The following SLC9A6 variants were observed in gnomAD, a reference collection of about 807,000 sequenced individuals.
SLC9A6 encodes solute carrier family 9 member A6, also known as sodium/hydrogen exchanger 6.
SLC9A6 carries 6 observed loss-of-function variants against 45.3 expected under a neutral mutation model. The ratio of observed to expected loss-of-function variants is 0.13; its 90% CI spans 0.07 to 0.26. The LOEUF is 0.26. SLC9A6 is among the 10% of genes least tolerant of loss of function. SLC9A6 has a pLI of 1.00. For synonymous variants in SLC9A6, 191 were observed against 187.7 expected, an observed-to-expected ratio of 1.02 and a Z score of -0.14; for missense variants, 278 against 503.7, an observed-to-expected ratio of 0.55 and a Z score of 4.29.
chrX:136,002,923 A>T (rs1556617542), intron 7 of SLC9A6, among the ~76,000 whole-genome samples: 1 of 111,106 alleles, frequency 9.0e-6, no homozygotes, highest in Non-Finnish European at 1.9e-5. Flanking sequence ...AAAAAGTTAC[A>T]CACAGAAAAT....
chrX:135,997,578 TTG>T (rs2089523824), intron 3 of SLC9A6, among the ~76,000 whole-genome samples: 2 of 106,805 alleles, frequency 1.9e-5, no homozygotes, highest in Non-Finnish European at 3.9e-5. Flanking sequence ...CGGCTAATTT[TTG>T]TATTTTTAGT....
chrX:136,041,849 T>A (rs1459388112), intron 17 of SLC9A6, among the ~76,000 whole-genome samples: 1 of 112,010 alleles, frequency 8.9e-6, no homozygotes, highest in Non-Finnish European at 1.9e-5. Flanking sequence ...TTCTAGGCTG[T>A]GAGGGAGAAT....
intron 11 of SLC9A6, among the ~76,000 whole-genome samples, chrX:136,021,841 A>G (rs1210304121): frequency 1.8e-5 from 2 of 112,009 alleles, no homozygotes; most frequent in African/African-American, 6.5e-5. Flanking sequence ...TCTGTTTTTA[A>G]TCTTAGATTT....
intron 7 of SLC9A6, among the ~76,000 whole-genome samples, chrX:136,009,530 C>G (rs1417288695): frequency 1.8e-5 from 2 of 111,655 alleles, no homozygotes; most frequent in African/African-American, 3.3e-5. Flanking sequence ...TCCTTCTTTT[C>G]TTTGACGTGA....
chrX:136,013,503 ACT>A, intron 10 of SLC9A6, 66 bp downstream of exon 10: 1 of 774,841 alleles, frequency 1.3e-6, no homozygotes, highest in Non-Finnish European at 1.9e-6. Flanking sequence ...AGTCTTTTTT[ACT>A]AAAAAAAAAA....
chrX:136,013,466 G>T (rs782205135), intron 10 of SLC9A6, 29 bp downstream of exon 10: 1 of 1,015,844 alleles, frequency 9.8e-7, no homozygotes, highest in South Asian at 1.9e-5. Context: ...TTTGTGAATA[G>T]GCTTTTCCTT....
At chrX:136,006,917 A>G (rs1398559354) in intron 7 of SLC9A6, among the ~76,000 whole-genome samples, 2 of 110,258 alleles carry the variant, frequency 1.8e-5, no homozygotes, top group Admixed American at 1.9e-4. Context: ...CCCAGGCTGG[A>G]GTACAATGGC....
At chrX:136,014,693 A>G (rs1356278756) in intron 10 of SLC9A6, among the ~76,000 whole-genome samples, 1 of 112,852 alleles carries the variant, frequency 8.9e-6, no homozygotes, top group Non-Finnish European at 1.9e-5. Context: ...TGAACCCGGA[A>G]GGCGGAGGTT....
At chrX:136,020,611 T>C (rs1164579495) in intron 11 of SLC9A6, among the ~76,000 whole-genome samples, 2 of 112,222 alleles carry the variant, frequency 1.8e-5, no homozygotes, top group African/African-American at 6.5e-5. Flanking sequence ...CCTCAAGTGA[T>C]CTGCGCCTCT....
intron 2 of SLC9A6, among the ~76,000 whole-genome samples, chrX:135,988,752 C>T (rs919890408): frequency 2.2e-4 from 24 of 108,759 alleles, no homozygotes; most frequent in African/African-American, 7.4e-4. Flanking sequence ...GTGTGCATCA[C>T]CACACCTGGC....
intron 4 of SLC9A6, 68 bp downstream of exon 4, chrX:135,998,253 C>A: frequency 2.8e-6 from 2 of 702,571 alleles, no homozygotes; most frequent in Non-Finnish European, 4.6e-6. Flanking sequence ...ATATTTGACA[C>A]TTCAGAAATG....
intron 7 of SLC9A6, among the ~76,000 whole-genome samples, chrX:136,006,553 G>A (rs182251483): frequency 6.0e-4 from 64 of 106,430 alleles, no homozygotes; most frequent in African/African-American, 2.1e-3. Context: ...ATCCAGTGAG[G>A]GTGAAGTGAA....
chrX:135,973,978 G>A (rs1481021544), upstream of SLC9A6: 24 of 994,812 alleles, frequency 2.4e-5, no homozygotes, highest in East Asian at 1.0e-3. Context: ...GAGCTACGGG[G>A]AAGCGAAGAG....
chrX:136,001,201 C>G (rs782771581), intron 6 of SLC9A6, among the ~76,000 whole-genome samples: 7 of 108,212 alleles, frequency 6.5e-5, no homozygotes, highest in African/African-American at 1.0e-4. Flanking sequence ...GCCAGGTGTT[C>G]TGGCGGGCGC....
chrX:135,996,212 A>G (rs1442661482), intron 3 of SLC9A6, among the ~76,000 whole-genome samples: 3 of 107,179 alleles, frequency 2.8e-5, no homozygotes, highest in African/African-American at 1.0e-4. Context: ...TTGTATTTTT[A>G]GTAGAGTTGG....
rs190996758 is a variant in SLC9A6 at position 136,039,905 on chromosome X, A to T, written c.1662-171A>T. The T allele has an allele frequency of 7.0e-4, 337 of 483,231 alleles. 1 individual carries two copies. Among genetic ancestry groups the T allele is most frequent in the Non-Finnish European group, 7.8e-5 (21 of 268,064 alleles). 39.8% of individuals were successfully genotyped at this position (483,231 alleles called of 1,213,427 possible). ...ATCTGTGAAGTGGAGATGATAAAAT[A>T]CCCCTTTGCTGTTTCACTGCCATCA... On this transcript the variant is annotated intron_variant, in intron 16 of 17. Coordinates refer to ENST00000630721, the MANE Select transcript of SLC9A6 (RefSeq NM_001379110.1).
At chrX:135,997,963 C>A in intron 3 of SLC9A6, 145 bp from the exon 4 acceptor site, 7 of 431,698 alleles carry the variant, frequency 1.6e-5, no homozygotes, top group Non-Finnish European at 2.1e-5. Context: ...TAGAAACTAT[C>A]CTATATGAAA....
intron 1 of SLC9A6, among the ~76,000 whole-genome samples, chrX:135,976,157 T>C (rs2089261499): frequency 1.8e-5 from 2 of 111,126 alleles, no homozygotes; most frequent in African/African-American, 6.6e-5. Context: ...TACACAATAC[T>C]TGATGGATGT....
Position 136,044,790 on chromosome X carries a change from C to A in SLC9A6, c.*66C>A. ...TGTGATTGTGAAGAAATTTGTACTA[C>A]CTAAAAGTCCCAGTGCATGTCTCTG... On this transcript the variant is annotated 3_prime_UTR_variant, in exon 18 of 18. Coordinates refer to ENST00000630721, the MANE Select transcript of SLC9A6 (RefSeq NM_001379110.1). 1.0e-6 allele frequency: 1 copy of A among 999,624 alleles called. No homozygotes were observed. Among genetic ancestry groups the A allele is most frequent in the African/African-American group, 1.9e-5 (1 of 53,686 alleles). The allele number at this position is 999,624 out of a possible 1,213,427, so 82.4% of individuals were successfully genotyped here. A position where few individuals can be genotyped will look rare whatever the true frequency, so the allele number is the denominator to read the frequency against.
Sources: gnomAD v4.1 joint callset for allele counts (sites outside exome capture counted in the v4.1 genomes callset) on GRCh38, gnomAD v4.1.1 for gene constraint, MANE v1.5 for transcripts, NCBI Gene and HGNC (gene_info 2026-07-23, HGNC 2026-07-21) for gene names.